The following DMTN variants were observed in gnomAD, a reference collection of about 807,000 sequenced individuals.
The protein encoded by DMTN is dematin actin binding protein.
In DMTN, 27 loss-of-function variants were observed where a neutral mutation model predicts 59.4. The observed-to-expected ratio is 0.45, with a 90% CI of 0.33 to 0.63. The LOEUF (loss-of-function observed/expected upper bound fraction) is 0.63, where lower values mean the gene tolerates loss of function less well. DMTN is among the 20% of genes least tolerant of loss of function. The probability of loss-of-function intolerance (pLI) is 0.02; values close to 1 mark genes in which losing one functional copy is unlikely to be tolerated. For missense variants in DMTN, 451 were observed against 528.9 expected, an observed-to-expected ratio of 0.85 and a Z score of 1.45; for synonymous variants, 221 against 203.7, an observed-to-expected ratio of 1.08 and a Z score of -0.72.
intron 8 of DMTN, among the ~76,000 whole-genome samples, chr8:22,070,590 A>G (rs1047083295): frequency 3.9e-5 from 6 of 152,192 alleles, no homozygotes; most frequent in African/African-American, 1.4e-4. Context: ...ACAGACATGT[A>G]TCAAACTTCT....
chr8:22,064,774 T>G (rs1809283866), intron 1 of DMTN, among the ~76,000 whole-genome samples: 1 of 152,120 alleles, frequency 6.6e-6, no homozygotes, highest in South Asian at 2.1e-4. Context: ...AGTCTTCTTT[T>G]GGAGATGCCA....
At chr8:22,051,011 G>T (rs1047569369), upstream of DMTN, among the ~76,000 whole-genome samples, 4 of 152,168 alleles carry the variant, frequency 2.6e-5, no homozygotes, top group African/African-American at 9.7e-5. Context: ...ACATCTAGGC[G>T]GTTGGAAGGA....
At position 22,075,136 on chromosome 8, in the gene DMTN, G is replaced by A. The variant is rs190432703; in HGVS notation, c.835+1301G>A. 4.9e-3 allele frequency among the ~76,000 whole-genome samples: 734 copies of A among 149,880 alleles called. 12 individuals carry two copies. Among genetic ancestry groups the A allele is most frequent in the Admixed American group, 0.026 (385 of 15,058 alleles). The stretch of plus-strand genomic sequence containing the variant: ...CAGGAGGTGGAGGTTGCAGTGAGTC[G>A]AGATGGAGCCACTGCACTCCAGCCT... On this transcript the variant is annotated intron_variant, in intron 10 of 15. Coordinates refer to ENST00000358242, the MANE Select transcript of DMTN (RefSeq NM_001387751.1).
At position 22,079,009 on chromosome 8, in the gene DMTN, A is replaced by G. The variant is rs140608489; in HGVS notation, c.836-1171A>G. Among the ~76,000 whole-genome samples, 714 of 151,532 alleles carry G rather than the reference A, an allele frequency of 4.7e-3. 5 individuals carry two copies. Among genetic ancestry groups the G allele is most frequent in the African/African-American group, 0.017 (683 of 41,340 alleles). On this transcript the variant is annotated intron_variant, in intron 10 of 15. Coordinates refer to ENST00000358242, the MANE Select transcript of DMTN (RefSeq NM_001387751.1). ...GAGACGGGGTTTCACCATGTTAGCC[A>G]GGATGGTCTTGATTTCTTGACCTCG...
intron 3 of DMTN, 147 bp downstream of exon 3, chr8:22,067,306 A>G: frequency 9.0e-7 from 1 of 1,106,252 alleles, no homozygotes; most frequent in East Asian, 2.7e-5. Flanking sequence ...AAACCCAGAG[A>G]AGCTCCCATA....
chr8:22,065,909 C>T (rs1216610791), intron 1 of DMTN, among the ~76,000 whole-genome samples: 7 of 147,192 alleles, frequency 4.8e-5, no homozygotes, highest in Non-Finnish European at 9.0e-5. Context: ...GGTGCGATCT[C>T]GGCTCACTGC....
chr8:22,053,150 G>A (rs189197598), upstream of DMTN, among the ~76,000 whole-genome samples: 155 of 152,334 alleles, frequency 1.0e-3, no homozygotes, highest in African/African-American at 3.3e-3. Flanking sequence ...GGAATAGTCC[G>A]TCTACTTGGC....
At chr8:22,068,304 G>A (rs923078439) in intron 4 of DMTN, among the ~76,000 whole-genome samples, 8 of 152,180 alleles carry the variant, frequency 5.3e-5, no homozygotes, top group African/African-American at 1.9e-4. Flanking sequence ...GGCTAGGCAC[G>A]GTGGCTCACA....
rs944878866 is a variant in DMTN at position 22,066,797 on chromosome 8, C to T, written c.-79C>T. The T allele has an allele frequency of 6.5e-6, 9 of 1,394,300 alleles. No individual in the cohort carries two copies. The African/African-American group carries it at 7.5e-5, about 12-fold the overall frequency. The allele number at this position is 1,394,300 out of a possible 1,614,324, so 86.4% of individuals were successfully genotyped here. On this transcript the variant is annotated 5_prime_UTR_variant, in exon 2 of 16. Transcript: ENST00000358242. ...CCCCAAGCGCGCAGCGCCCAGCAGC[C>T]GCGCCGAGCCTGACACGCTGTCCTC...
At chr8:22,054,952 G>T (rs950897444), upstream of DMTN, 2 of 152,720 alleles carry the variant, frequency 1.3e-5, no homozygotes, top group Non-Finnish European at 2.9e-5. Flanking sequence ...AGGGATGGAG[G>T]TGTATGTCAC....
chr8:22,073,878 G>A (rs1326711245), intron 10 of DMTN, 43 bp downstream of exon 10: 1 of 1,529,546 alleles, frequency 6.5e-7, no homozygotes, highest in Non-Finnish European at 9.1e-7. Flanking sequence ...GGCCAGAGAT[G>A]GAGGCCTGAC....
In DMTN at chr8:22,060,536, T is replaced by C. The variant is rs1290439512; in HGVS notation, c.-172+3400T>C. ...GCTTAAAATTTAACCAGTACAAACA[T>C]TATGCCTTAAGGCTAGGCCCACGTT... On this transcript the variant is annotated intron_variant, in intron 1 of 15. Transcript: ENST00000358242. This position sits in a 1 kb window ranked among gnomAD's most constrained non-coding sequence, Gnocchi z 5.0. Among the ~76,000 whole-genome samples the C allele has an allele frequency of 6.6e-6, 1 of 152,170 alleles. No homozygotes were observed. Among genetic ancestry groups the C allele is most frequent in the Non-Finnish European group, 1.5e-5 (1 of 68,050 alleles).
At chr8:22,063,607 T>C (rs934500411) in intron 1 of DMTN, among the ~76,000 whole-genome samples, 3 of 152,178 alleles carry the variant, frequency 2.0e-5, no homozygotes, top group Admixed American at 6.5e-5. Flanking sequence ...CCAGCCATAT[T>C]TGCTGTTCCC....
At chr8:22,071,378 G>C (rs1050362415) in intron 8 of DMTN, among the ~76,000 whole-genome samples, 6 of 151,980 alleles carry the variant, frequency 3.9e-5, no homozygotes, top group Non-Finnish European at 8.8e-5. Flanking sequence ...TTACAGGCGT[G>C]AGCCACCATG....
chr8:22,071,428 T>C (rs1434354139), intron 8 of DMTN, among the ~76,000 whole-genome samples: 1 of 150,844 alleles, frequency 6.6e-6, no homozygotes, highest in Non-Finnish European at 1.5e-5. Flanking sequence ...GAAGTCTTGC[T>C]CTATTGCCCA....
In DMTN at chr8:22,060,447, G is replaced by A. The variant is rs1262178448; in HGVS notation, c.-172+3311G>A. On this transcript the variant is annotated intron_variant, in intron 1 of 15. Transcript: ENST00000358242. The surrounding 1 kb of genome is among the most constrained non-coding windows in gnomAD (Gnocchi z 5.0). ...CTCTCTCTCTCCCCCTCACACATGC[G>A]CACGCACACACACATATACACACAC... Among the ~76,000 whole-genome samples the A allele has an allele frequency of 1.3e-5, 2 of 150,348 alleles. No individual in the cohort carries two copies. Among genetic ancestry groups the A allele is most frequent in the African/African-American group, 2.5e-5 (1 of 40,402 alleles).
chr8:22,076,548 G>GTT (rs1819913814), intron 10 of DMTN, among the ~76,000 whole-genome samples: 1 of 151,876 alleles, frequency 6.6e-6, no homozygotes, highest in African/African-American at 2.4e-5. Flanking sequence ...TAACCTGGGT[G>GTT]ACAGAGTGGG....
At chr8:22,053,352 G>A (rs974650486), upstream of DMTN, among the ~76,000 whole-genome samples, 1 of 152,206 alleles carries the variant, frequency 6.6e-6, no homozygotes, top group Admixed American at 6.5e-5. Context: ...CCCGGAGGCA[G>A]GGGCACATGG....
upstream of DMTN, among the ~76,000 whole-genome samples, chr8:22,051,491 T>G (rs1801347084): frequency 6.6e-6 from 1 of 152,146 alleles, no homozygotes; most frequent in Non-Finnish European, 1.5e-5. Context: ...CTCAGTGTCT[T>G]CAGCCCCAAG....
Sources: gnomAD v4.1 joint callset for allele counts (sites outside exome capture counted in the v4.1 genomes callset) on GRCh38, gnomAD v4.1.1 for gene constraint, Gnocchi (gnomAD v3.1) non-coding constraint, MANE v1.5 for transcripts, NCBI Gene and HGNC (gene_info 2026-07-23, HGNC 2026-07-21) for gene names.